The following ARB2A variants were observed in gnomAD, a reference collection of about 807,000 sequenced individuals.
The protein encoded by ARB2A is ARB2 cotranscriptional regulator A, also known as cotranscriptional regulator ARB2A.
the ARB2A span, among the ~76,000 whole-genome samples, chr5:93,868,921 T>C: frequency 4.6e-5 from 7 of 152,200 alleles, no homozygotes; most frequent in African/African-American, 1.7e-4. Flanking sequence ...GAAAACTCCA[T>C]TTATCTAGTC....
At chr5:93,799,948 A>AT in the ARB2A span, among the ~76,000 whole-genome samples, 2 of 152,092 alleles carry the variant, frequency 1.3e-5, no homozygotes, top group African/African-American at 4.8e-5. Context: ...TTTCCAGGTA[A>AT]TTATTTAAAA....
the ARB2A span, among the ~76,000 whole-genome samples, chr5:94,011,814 T>C: frequency 6.8e-6 from 1 of 148,102 alleles, no homozygotes; most frequent in African/African-American, 2.5e-5. Context: ...TAGAGTCAAG[T>C]AGCACAGACA....
chr5:93,889,696 T>C, the ARB2A span, among the ~76,000 whole-genome samples: 1 of 151,862 alleles, frequency 6.6e-6, no homozygotes, highest in Non-Finnish European at 1.5e-5. Context: ...AATCACAAAA[T>C]GCTACACTAC....
chr5:93,890,873 G>C, the ARB2A span, among the ~76,000 whole-genome samples: 1 of 152,030 alleles, frequency 6.6e-6, no homozygotes, highest in African/African-American at 2.4e-5. Flanking sequence ...TCTCGTAAAT[G>C]CTTGTTAAAA....
chr5:93,952,527 G>C, the ARB2A span, among the ~76,000 whole-genome samples: 1 of 152,158 alleles, frequency 6.6e-6, no homozygotes. Context: ...ACTGAAAAGT[G>C]TCCTGCCAGA....
chr5:94,036,581 A>G, the ARB2A span, among the ~76,000 whole-genome samples: 1 of 152,204 alleles, frequency 6.6e-6, no homozygotes. Context: ...ATGTTTAAAG[A>G]CTATTTGCAT....
chr5:93,806,498 G>A, the ARB2A span, among the ~76,000 whole-genome samples: 1 of 151,400 alleles, frequency 6.6e-6, no homozygotes, highest in Non-Finnish European at 1.5e-5. Context: ...ATAAACACTG[G>A]CTAGATAAAT....
chr5:93,802,883 T>C, the ARB2A span, among the ~76,000 whole-genome samples: 1 of 152,078 alleles, frequency 6.6e-6, no homozygotes, highest in Non-Finnish European at 1.5e-5. Flanking sequence ...ACTACTAAAA[T>C]CTTTAAGAAT....
the ARB2A span, among the ~76,000 whole-genome samples, chr5:94,014,713 C>T: frequency 2.6e-5 from 4 of 151,366 alleles, no homozygotes; most frequent in Non-Finnish European, 5.9e-5. Flanking sequence ...ATAATAAAAT[C>T]AAATGAAAAT....
At chr5:93,645,555 AGAGT>A in the ARB2A span, among the ~76,000 whole-genome samples, 2 of 151,320 alleles carry the variant, frequency 1.3e-5, no homozygotes, top group African/African-American at 4.9e-5. Flanking sequence ...GACTGGCAAC[AGAGT>A]GAGACTCCGT....
At chr5:93,946,852 C>T in the ARB2A span, among the ~76,000 whole-genome samples, 13,935 of 152,144 alleles carry the variant, frequency 0.092, 805 homozygotes, top group Middle Eastern at 0.16. Flanking sequence ...TGCCACACTT[C>T]TTCAACAACA....
the ARB2A span, among the ~76,000 whole-genome samples, chr5:93,973,912 G>A: frequency 6.6e-6 from 1 of 152,170 alleles, no homozygotes; most frequent in Admixed American, 6.5e-5. Flanking sequence ...ATCTGAACAT[G>A]GAAATGAAAG....
the ARB2A span, among the ~76,000 whole-genome samples, chr5:93,715,188 G>A: frequency 2.6e-5 from 4 of 151,986 alleles, no homozygotes; most frequent in Non-Finnish European, 4.4e-5. Context: ...AATCAAAAGA[G>A]GATTTCAGAG....
the ARB2A span, among the ~76,000 whole-genome samples, chr5:93,690,666 G>T: frequency 2.0e-5 from 3 of 152,292 alleles, no homozygotes; most frequent in South Asian, 6.2e-4. Context: ...TGGCTCTGAA[G>T]AGAGCAGCAG....
At chr5:93,828,025 G>A in the ARB2A span, among the ~76,000 whole-genome samples, 1 of 152,212 alleles carries the variant, frequency 6.6e-6, no homozygotes, top group African/African-American at 2.4e-5. Context: ...CAGGTAGTGT[G>A]ATGCCTCCAG....
the ARB2A span, among the ~76,000 whole-genome samples, chr5:93,889,247 G>A: frequency 4.0e-5 from 6 of 151,730 alleles, no homozygotes; most frequent in South Asian, 1.0e-3. Context: ...AACTTACTCT[G>A]TAACAATGAA....
chr5:93,980,727 T>G, the ARB2A span, among the ~76,000 whole-genome samples: 1 of 152,170 alleles, frequency 6.6e-6, no homozygotes, highest in Non-Finnish European at 1.5e-5. Context: ...TCTATTTAAG[T>G]AGGCTGTTGA....
the ARB2A span, among the ~76,000 whole-genome samples, chr5:93,782,776 A>G: frequency 1.3e-5 from 2 of 152,198 alleles, no homozygotes; most frequent in Non-Finnish European, 2.9e-5. Context: ...GCTTAAAACT[A>G]CAAAGTTATA....
chr5:93,727,184 G>T, the ARB2A span, among the ~76,000 whole-genome samples: 2 of 151,818 alleles, frequency 1.3e-5, no homozygotes, highest in Non-Finnish European at 2.9e-5. Flanking sequence ...GTTTTTTTGT[G>T]GATAATTTCC....
Sources: gnomAD v4.1 joint callset for allele counts (sites outside exome capture counted in the v4.1 genomes callset) on GRCh38, gnomAD v4.1.1 for gene constraint, MANE v1.5 for transcripts, NCBI Gene and HGNC (gene_info 2026-07-23, HGNC 2026-07-21) for gene names.